The following CDHR2 variants were observed in gnomAD, a reference collection of about 807,000 sequenced individuals.
The protein encoded by CDHR2 is cadherin related family member 2.
A neutral mutation model predicts 138.6 loss-of-function variants in CDHR2; 104 were observed. The observed-to-expected ratio is 0.75, with a 90% confidence interval of 0.64 to 0.88. The LOEUF (loss-of-function observed/expected upper bound fraction) is 0.88, where lower values mean the gene tolerates loss of function less well. Among genes scored for constraint, CDHR2 ranks in the 40% least tolerant of loss-of-function variants. The probability of loss-of-function intolerance (pLI) is 0.00; values close to 1 mark genes in which losing one functional copy is unlikely to be tolerated. For synonymous variants in CDHR2, 755 were observed against 742.8 expected (o/e 1.02, Z -0.27); for missense variants, 1,624 against 1,727.6 (o/e 0.94, Z 1.06).
intron 1 of CDHR2, among the ~76,000 whole-genome samples, chr5:176,551,699 C>CTTT (rs1485437212): frequency 2.7e-5 from 1 of 37,626 alleles, no homozygotes; most frequent in African/African-American, 6.9e-5. Context: ...GCCAAGAGTT[C>CTTT]TCTTTTTTTT....
Position 176,584,178 on chromosome 5 carries a change from C to G in CDHR2, c.2059-12C>G. The G allele has an allele frequency of 6.2e-7, 1 of 1,613,046 alleles. No homozygotes were observed. Among genetic ancestry groups the G allele is most frequent in the South Asian group, 1.1e-5 (1 of 91,048 alleles). ...TTGGATCCCGGGGACTCAGACCTGT[C>G]TCTGACTGCAGGACATCAATGATAA... On this transcript the variant is annotated splice_polypyrimidine_tract_variant and intron_variant, in intron 17 of 31. Transcript: ENST00000261944.
intron 6 of CDHR2, 111 bp downstream of exon 6, chr5:176,571,413 C>A: frequency 1.5e-6 from 1 of 652,360 alleles, no homozygotes; most frequent in Non-Finnish European, 2.5e-6. Context: ...AAAAACCTCT[C>A]CTAGCAGGGG....
rs150107118 is a variant in CDHR2 at position 176,568,731 on chromosome 5, T to C, written c.178T>C (p.Tyr60His). The C allele has an allele frequency of 1.8e-5, 29 of 1,614,100 alleles. No homozygotes were observed. The African/African-American group carries it at 3.6e-4, about 20-fold the overall frequency. ...AGACCAGGACAATGACCCTCTGACC[T>C]ATGGGATGAGCGGCCCCAATGCCTA... Reference protein sequence around the residue: ...AEDQDNDPLTYGMSGPNAYFF... With the variant: ...AEDQDNDPLTHGMSGPNAYFF... The change falls in exon 4 of 32, where the codon TAT becomes CAT. Residue 60 changes from tyrosine to histidine, a missense_variant. This residue lies in a region of CDHR2 where 1,061 missense variants were observed against 1,136.6 expected (regional missense o/e 0.93). Coordinates refer to ENST00000261944, the MANE Select transcript of CDHR2 (RefSeq NM_017675.6).
At chr5:176,551,786 C>T (rs532315369) in intron 1 of CDHR2, among the ~76,000 whole-genome samples, 6 of 148,378 alleles carry the variant, frequency 4.0e-5, no homozygotes, top group Non-Finnish European at 8.9e-5. Flanking sequence ...ACTGCAAGCT[C>T]CGCTTCCCGG....
chr5:176,584,167 CT>C (rs777439952), intron 17 of CDHR2, 22 bp from the exon 18 acceptor site: 10 of 1,610,032 alleles, frequency 6.2e-6, no homozygotes, highest in Non-Finnish European at 8.5e-6. Flanking sequence ...ATCCCGGGGA[CT>C]CAGACCTGTC....
Position 176,564,309 on chromosome 5 carries a change from C to A in CDHR2, c.-15-1029C>A, listed in dbSNP as rs570074135. On this transcript the variant is annotated intron_variant, in intron 1 of 31. Coordinates refer to ENST00000261944, the MANE Select transcript of CDHR2 (RefSeq NM_017675.6). Reference sequence around the variant, plus strand: ...CAAGCAATTCTCCTGCCTCAGACTCCCGAGTAGCTGGGATTACAGGCACCC... The same window carrying A: ...CAAGCAATTCTCCTGCCTCAGACTCACGAGTAGCTGGGATTACAGGCACCC... Among the ~76,000 whole-genome samples the A allele has an allele frequency of 2.6e-5, 4 of 152,316 alleles. No homozygotes were observed. The South Asian group carries it at 8.3e-4, about 32-fold the overall frequency.
chr5:176,575,461 G>A (rs558686748), intron 9 of CDHR2, 35 bp downstream of exon 9: 63 of 1,614,198 alleles, frequency 3.9e-5, no homozygotes, highest in African/African-American at 1.7e-4. Context: ...GGGTGGAGGC[G>A]GGAGGCGGGG....
At position 176,577,496 on chromosome 5, in the gene CDHR2, T is replaced by C; in HGVS notation, c.1292T>C (p.Val431Ala). ...GCAGTGGGCTCAGCCTCCGTTCAGG[T>C]GCTGGTGAGAGTATCCGCGCTGGTG... ...ERAVGSASVQ[V>A]LVRVSALVDY... Residue 431 changes from valine (V) to alanine (A), a missense_variant, in exon 13 of 32, where the codon GTG (valine) becomes GCG (alanine). Around this residue, in one of 3 missense-constraint regions of CDHR2, gnomAD observed 1,061 missense variants for 1,136.6 expected, o/e 0.93. Transcript: ENST00000261944. 3 of 1,612,226 alleles carry C rather than the reference T, an allele frequency of 1.9e-6. No individual in the cohort carries two copies. Among genetic ancestry groups the C allele is most frequent in the Non-Finnish European group, 2.5e-6 (3 of 1,179,448 alleles).
downstream of CDHR2, chr5:176,595,875 C>T (rs1396892519): frequency 1.7e-5 from 8 of 476,346 alleles, no homozygotes; most frequent in East Asian, 7.0e-5. Context: ...GGGGTGGGGA[C>T]GGGACACTGA....
At chr5:176,574,592 G>A (rs1212916843) in intron 7 of CDHR2, among the ~76,000 whole-genome samples, 1 of 152,188 alleles carries the variant, frequency 6.6e-6, no homozygotes, top group Non-Finnish European at 1.5e-5. Flanking sequence ...ATCCATGGCT[G>A]CTCAAGTCCC....
rs1372096616 is a variant in CDHR2 at position 176,577,726 on chromosome 5, T to C, written c.1440T>C (p.Phe480=). Residue 480 remains phenylalanine, a synonymous_variant, in exon 14 of 32, where the codon TTT becomes TTC. Coordinates refer to ENST00000261944, the MANE Select transcript of CDHR2 (RefSeq NM_017675.6). ...ACATTAATGACCACAGGCCCACGTT[T>C]CCCCAGAGCTTGTACGTCCTCACGG... ...LRDINDHRPT[F]PQSLYVLTVP... 2 of 1,614,048 alleles carry C rather than the reference T, an allele frequency of 1.2e-6. No homozygotes were observed. Among genetic ancestry groups the C allele is most frequent in the African/African-American group, 2.7e-5 (2 of 74,914 alleles).
chr5:176,569,117 T>C, intron 5 of CDHR2, 107 bp downstream of exon 5: 1 of 943,928 alleles, frequency 1.1e-6, no homozygotes, highest in Non-Finnish European at 1.6e-6. Context: ...GTGAATTTAA[T>C]GTTTATTTAT....
rs1334423646 is a variant in CDHR2 at position 176,543,948 on chromosome 5, C to A, written c.-16+1179C>A. 2.0e-5 allele frequency among the ~76,000 whole-genome samples: 3 copies of A among 152,250 alleles called. No homozygotes were observed. The highest frequency in any genetic ancestry group is 7.2e-5 in the African/African-American group (3 of 41,462). On this transcript the variant is annotated intron_variant, in intron 1 of 31. Coordinates refer to the CDHR2 transcript ENST00000510636. The surrounding 1 kb of genome is among the most constrained non-coding windows in gnomAD (Gnocchi z 4.0). Reference sequence around the variant, plus strand: ...GAGCCAACCTGGACCAGGGCATGGCCGGCACCAGCTCAGGCCGCGGGTCCC... The same window carrying A: ...GAGCCAACCTGGACCAGGGCATGGCAGGCACCAGCTCAGGCCGCGGGTCCC...
At chr5:176,581,641 T>A in intron 17 of CDHR2, 59 bp downstream of exon 17, 1 of 1,591,184 alleles carries the variant, frequency 6.3e-7, no homozygotes, top group South Asian at 1.1e-5. Flanking sequence ...AGCCAGCCCC[T>A]CCAGCTTGAG....
chr5:176,569,153 T>G, intron 5 of CDHR2, 143 bp downstream of exon 5: 1 of 567,506 alleles, frequency 1.8e-6, no homozygotes, highest in Admixed American at 3.7e-5. Context: ...GTTCATTTCT[T>G]TGTCATATGA....
At chr5:176,566,095 C>CTT (rs57830507) in intron 3 of CDHR2, among the ~76,000 whole-genome samples, 2 of 144,920 alleles carry the variant, frequency 1.4e-5, no homozygotes, top group African/African-American at 5.0e-5. Context: ...CCCACGCTGG[C>CTT]TTTTTTTTTT....
At chr5:176,588,676 TGA>T (rs1203704491) in intron 21 of CDHR2, among the ~76,000 whole-genome samples, 22 of 148,300 alleles carry the variant, frequency 1.5e-4, no homozygotes, top group Middle Eastern at 3.5e-3. Context: ...TGTGTGTGTG[TGA>T]GAGGGTGTGT....
intron 21 of CDHR2, 105 bp from the exon 22 acceptor site, chr5:176,588,926 C>T (rs147856565): frequency 1.9e-5 from 22 of 1,157,862 alleles, no homozygotes; most frequent in African/African-American, 6.1e-5. Context: ...CGGATAGAGA[C>T]GGTGAGGGCC....
rs550996451 is a variant in CDHR2 at position 176,543,599 on chromosome 5, G to A, written c.-16+830G>A. ...GGGGCCTGGCAGCCTCCGTGACCTT[G>A]GAGGAGTGACTTCGTTTTCTCGCCT... On this transcript the variant is annotated intron_variant, in intron 1 of 31. Transcript: ENST00000510636. This position sits in a 1 kb window ranked among gnomAD's most constrained non-coding sequence, Gnocchi z 4.0. 3 of 152,332 alleles carry A rather than the reference G, an allele frequency of 2.0e-5. No homozygotes were observed. The highest frequency in any genetic ancestry group is 7.2e-5 in the African/African-American group (3 of 41,578). The allele number at this position is 152,332 out of a possible 1,614,324, so 9.4% of individuals were successfully genotyped here.
Sources: allele counts gnomAD v4.1 joint callset (sites outside exome capture counted in the v4.1 genomes callset), GRCh38; gene constraint gnomAD v4.1.1; regional missense constraint gnomAD v4.1.1; non-coding constraint Gnocchi (gnomAD v3.1); transcripts MANE v1.5; gene names NCBI Gene and HGNC (gene_info 2026-07-23, HGNC 2026-07-21).